RBMS3: variants seen among roughly 807,000 people sequenced by gnomAD.
RBMS3 encodes the protein RNA binding motif single stranded interacting protein 3.
In RBMS3, 27 loss-of-function variants were observed where a neutral mutation model predicts 66.8. The observed-to-expected ratio is 0.40, with a 90% CI of 0.30 to 0.56. RBMS3 has a LOEUF of 0.56. Ranked by LOEUF, RBMS3 falls within the 20% of genes least tolerant of loss-of-function variation. The pLI, the probability that RBMS3 is intolerant of heterozygous loss-of-function variation, is 0.40. For synonymous variants in RBMS3, 188 were observed against 183.0 expected (o/e 1.03, Z -0.22); for missense variants, 513 against 549.5 (o/e 0.93, Z 0.66).
chr3:29,321,367 C>T (rs1237071510), intron 1 of RBMS3, among the ~76,000 whole-genome samples: 4 of 152,042 alleles, frequency 2.6e-5, no homozygotes. Flanking sequence ...TCAGTTACTT[C>T]AAAGTTAAGT....
intron 4 of RBMS3, among the ~76,000 whole-genome samples, chr3:29,697,827 G>A (rs1407675378): frequency 6.6e-6 from 1 of 152,152 alleles, no homozygotes; most frequent in Non-Finnish European, 1.5e-5. Flanking sequence ...TTTTGCAGTT[G>A]TGCATCATTT....
intron 1 of RBMS3, among the ~76,000 whole-genome samples, chr3:29,325,970 A>C (rs1419227690): frequency 6.6e-6 from 1 of 152,160 alleles, no homozygotes. Context: ...GGATAGGACT[A>C]TGAAGTGTGG....
chr3:29,928,739 A>T (rs2061022572), intron 10 of RBMS3, among the ~76,000 whole-genome samples: 1 of 151,966 alleles, frequency 6.6e-6, no homozygotes, highest in African/African-American at 2.4e-5. Context: ...ACTACTGGTC[A>T]CTTGCTCCTC....
chr3:29,300,264 G>A (rs1414260337), intron 1 of RBMS3, among the ~76,000 whole-genome samples: 1 of 151,896 alleles, frequency 6.6e-6, no homozygotes, highest in African/African-American at 2.4e-5. Flanking sequence ...GAGAGATAAT[G>A]TATCAAAAGC....
At chr3:29,480,033 T>C (rs1400859241) in intron 2 of RBMS3, among the ~76,000 whole-genome samples, 2 of 152,214 alleles carry the variant, frequency 1.3e-5, no homozygotes, top group Non-Finnish European at 2.9e-5. Context: ...AGTTGAACTT[T>C]GTTGTGTCAT....
chr3:30,003,635 G>C lies in RBMS3; in HGVS notation c.1308-221G>C, dbSNP rs762948858. ...AGCTATAACATAAGCTATTACCCTT[G>C]ATTTTTAATGTAAACAAACTCTCTG... On this transcript the variant is annotated intron_variant, in intron 14 of 14. Coordinates refer to ENST00000383767, the MANE Select transcript of RBMS3 (RefSeq NM_001003793.3). Among the ~76,000 whole-genome samples, 3 of 151,880 alleles carry C rather than the reference G, an allele frequency of 2.0e-5. No individual in the cohort carries two copies. The East Asian group carries it at 5.8e-4, about 29-fold the overall frequency.
At chr3:29,771,846 C>G (rs1195784370) in intron 6 of RBMS3, among the ~76,000 whole-genome samples, 1 of 151,932 alleles carries the variant, frequency 6.6e-6, no homozygotes, top group Non-Finnish European at 1.5e-5. Context: ...CACTTTTTGA[C>G]AACCAGATCT....
chr3:29,868,521 A>G (rs1000353800), intron 6 of RBMS3, among the ~76,000 whole-genome samples: 2 of 152,206 alleles, frequency 1.3e-5, no homozygotes, highest in Non-Finnish European at 2.9e-5. Flanking sequence ...AGAAATATTT[A>G]TCCACATATA....
chr3:29,844,464 A>G (rs547428946), intron 6 of RBMS3, among the ~76,000 whole-genome samples: 5 of 152,344 alleles, frequency 3.3e-5, no homozygotes, highest in African/African-American at 1.2e-4. Context: ...ACTAATGTGT[A>G]ATTTGGTCAC....
chr3:29,635,834 T>A, intron 4 of RBMS3, among the ~76,000 whole-genome samples: 1 of 151,838 alleles, frequency 6.6e-6, no homozygotes, highest in African/African-American at 2.4e-5. Flanking sequence ...GCTCTCCTCC[T>A]CCGTCCCTTT....
chr3:29,748,850 C>G (rs1416475684), intron 5 of RBMS3, among the ~76,000 whole-genome samples: 2 of 152,136 alleles, frequency 1.3e-5, no homozygotes, highest in East Asian at 3.9e-4. Flanking sequence ...TGGTTCTGTC[C>G]CACTCAGGTG....
At chr3:30,003,749 A>G in intron 14 of RBMS3, 107 bp from the exon 15 acceptor site, 2 of 730,048 alleles carry the variant, frequency 2.7e-6, no homozygotes, top group Non-Finnish European at 4.1e-6. Flanking sequence ...ACTATGTTAC[A>G]TTGAAAGCTT....
At chr3:29,917,346 C>T (rs917568655) in intron 10 of RBMS3, among the ~76,000 whole-genome samples, 9 of 152,042 alleles carry the variant, frequency 5.9e-5, no homozygotes, top group African/African-American at 9.7e-5. Flanking sequence ...TCCTTCAAGA[C>T]GCTTAGATGT....
At chr3:29,765,717 ATCT>A (rs1325201530) in intron 6 of RBMS3, 2 of 151,964 alleles carry the variant, frequency 1.3e-5, no homozygotes, top group Non-Finnish European at 2.9e-5. Context: ...GATGTCAATC[ATCT>A]TCTTCTCATA....
intron 1 of RBMS3, among the ~76,000 whole-genome samples, chr3:29,364,771 G>T (rs1472859613): frequency 6.6e-6 from 1 of 152,100 alleles, no homozygotes; most frequent in African/African-American, 2.4e-5. Flanking sequence ...AAACTTCTTT[G>T]TACACAGGCT....
intron 6 of RBMS3, among the ~76,000 whole-genome samples, chr3:29,815,409 C>T (rs2057857137): frequency 1.3e-5 from 2 of 152,028 alleles, no homozygotes; most frequent in Non-Finnish European, 2.9e-5. Context: ...ACATTTCACC[C>T]TAGGAAACAA....
chr3:29,784,825 C>A (rs1350516802), intron 6 of RBMS3, among the ~76,000 whole-genome samples: 1 of 151,838 alleles, frequency 6.6e-6, no homozygotes, highest in East Asian at 1.9e-4. Flanking sequence ...ATCCAAATAA[C>A]CTCATTAAGA....
rs566901473 is a variant in RBMS3, at chr3:29,474,353, C to T, written c.249-14088C>T. On this transcript the variant is annotated intron_variant, in intron 2 of 14. Coordinates refer to ENST00000383767, the MANE Select transcript of RBMS3 (RefSeq NM_001003793.3). The stretch of plus-strand genomic sequence containing the variant: ...TTATTAATAAGCATTTGGGTAGTTT[C>T]CAGTTTTAGGCTGCTGATGAATATT... Among the ~76,000 whole-genome samples, 53 of 152,242 alleles carry T rather than the reference C, an allele frequency of 3.5e-4. No individual in the cohort carries two copies. The East Asian group carries it at 0.01, about 29-fold the overall frequency.
At chr3:30,001,801 TTTTA>T (rs202242774) in intron 14 of RBMS3, among the ~76,000 whole-genome samples, 202 of 151,356 alleles carry the variant, frequency 1.3e-3, no homozygotes, top group African/African-American at 4.0e-3. Context: ...TTATTATTTA[TTTTA>T]TTTATTTATT....
Sources: allele counts gnomAD v4.1 joint callset (sites outside exome capture counted in the v4.1 genomes callset), GRCh38; gene constraint gnomAD v4.1.1; transcripts MANE v1.5; gene names NCBI Gene and HGNC (gene_info 2026-07-23, HGNC 2026-07-21).